The following NALF1 variants were observed in gnomAD, a reference collection of about 807,000 sequenced individuals.
NALF1 encodes the protein family with sequence similarity 155 member A.
NALF1 carries 3 observed loss-of-function variants against 48.4 expected under a neutral mutation model. The ratio of observed to expected loss-of-function variants is 0.06; its 90% CI spans 0.03 to 0.16. The LOEUF (loss-of-function observed/expected upper bound fraction) is 0.16, where lower values mean the gene tolerates loss of function less well. Ranked by LOEUF, NALF1 falls within the 10% of genes least tolerant of loss-of-function variation. The probability of loss-of-function intolerance (pLI) is 1.00; values close to 1 mark genes in which losing one functional copy is unlikely to be tolerated. For missense variants in NALF1, 526 were observed against 571.5 expected, an observed-to-expected ratio of 0.92 and a Z score of 0.81; for synonymous variants, 262 against 245.7, an observed-to-expected ratio of 1.07 and a Z score of -0.62.
chr13:107,195,485 G>A (rs9587311), intron 2 of NALF1, among the ~76,000 whole-genome samples: 5,053 of 152,122 alleles, frequency 0.033, 122 homozygotes, highest in African/African-American at 0.062. Context: ...TCTCTGTATC[G>A]CCTTTTCACG....
chr13:107,513,902 C>A (rs1167334435), intron 1 of NALF1, among the ~76,000 whole-genome samples: 7 of 152,216 alleles, frequency 4.6e-5, no homozygotes, highest in African/African-American at 1.7e-4. Flanking sequence ...AGGTATCCAT[C>A]CCTCCTCCTT....
At chr13:107,690,738 C>G (rs545072321) in intron 1 of NALF1, among the ~76,000 whole-genome samples, 1 of 152,166 alleles carries the variant, frequency 6.6e-6, no homozygotes, top group African/African-American at 2.4e-5. Context: ...ATGTCTTAAC[C>G]AAAGGATCGA....
chr13:107,840,303 C>T (rs1246518672), intron 1 of NALF1, among the ~76,000 whole-genome samples: 4 of 152,142 alleles, frequency 2.6e-5, no homozygotes, highest in Non-Finnish European at 5.9e-5. Context: ...CATATAACAA[C>T]AAAATCCCCA....
chr13:107,848,590 ATATGAG>A (rs1441802218), intron 1 of NALF1, among the ~76,000 whole-genome samples: 1 of 152,228 alleles, frequency 6.6e-6, no homozygotes, highest in East Asian at 1.9e-4. Context: ...ACAGTAACAC[ATATGAG>A]TATAATTCAA....
At chr13:107,370,153 C>T (rs1485905977) in intron 1 of NALF1, among the ~76,000 whole-genome samples, 1 of 152,044 alleles carries the variant, frequency 6.6e-6, no homozygotes, top group East Asian at 1.9e-4. Context: ...AATACCTCTA[C>T]TTTCATATTC....
intron 1 of NALF1, among the ~76,000 whole-genome samples, chr13:107,536,540 C>T (rs1378371765): frequency 2.0e-5 from 3 of 152,180 alleles, no homozygotes; most frequent in Non-Finnish European, 4.4e-5. Context: ...TACCATCTCA[C>T]ACCAGTTAGA....
At chr13:107,633,932 G>A (rs1279334147) in intron 1 of NALF1, among the ~76,000 whole-genome samples, 1 of 147,570 alleles carries the variant, frequency 6.8e-6, no homozygotes, top group South Asian at 2.1e-4. Context: ...ATTTATATAT[G>A]GATATATATA....
At chr13:107,556,710 TC>T (rs1877494690) in intron 1 of NALF1, among the ~76,000 whole-genome samples, 1 of 152,150 alleles carries the variant, frequency 6.6e-6, no homozygotes, top group African/African-American at 2.4e-5. Context: ...GGTTGCGAAC[TC>T]CTGACCTCAG....
chr13:107,737,375 T>A (rs1317453074), intron 1 of NALF1, among the ~76,000 whole-genome samples: 2 of 152,224 alleles, frequency 1.3e-5, no homozygotes, highest in Admixed American at 1.3e-4. Flanking sequence ...TCCAATGTGA[T>A]GTGGAATTCC....
At chr13:107,746,746 G>A (rs1175970906) in intron 1 of NALF1, among the ~76,000 whole-genome samples, 3 of 152,150 alleles carry the variant, frequency 2.0e-5, no homozygotes, top group Non-Finnish European at 4.4e-5. Context: ...ATAAATCAGT[G>A]CACATATTTC....
intron 1 of NALF1, among the ~76,000 whole-genome samples, chr13:107,570,788 C>A (rs1302880767): frequency 1.3e-5 from 2 of 151,678 alleles, no homozygotes; most frequent in East Asian, 3.9e-4. Context: ...TAGACACTTG[C>A]AGTAAAATCA....
At chr13:107,432,473 G>T (rs1166545316) in intron 1 of NALF1, among the ~76,000 whole-genome samples, 1 of 152,142 alleles carries the variant, frequency 6.6e-6, no homozygotes, top group African/African-American at 2.4e-5. Context: ...TGATGTTCAG[G>T]TTCTATCTAA....
At chr13:107,276,740 A>C (rs1228383709) in intron 1 of NALF1, among the ~76,000 whole-genome samples, 1 of 152,180 alleles carries the variant, frequency 6.6e-6, no homozygotes, top group Non-Finnish European at 1.5e-5. Flanking sequence ...GGGATTAATA[A>C]TCAAACTGTA....
intron 1 of NALF1, among the ~76,000 whole-genome samples, chr13:107,273,404 C>T (rs1358387288): frequency 1.3e-5 from 2 of 152,166 alleles, no homozygotes; most frequent in Non-Finnish European, 2.9e-5. Flanking sequence ...GATTTGCATG[C>T]TTTTTCTCTT....
chr13:107,218,245 C>T (rs1393840161), intron 1 of NALF1, among the ~76,000 whole-genome samples: 1 of 152,202 alleles, frequency 6.6e-6, no homozygotes, highest in Admixed American at 6.5e-5. Flanking sequence ...CCCTCTAGAC[C>T]CTGCAATGAG....
At chr13:107,255,274 G>GT (rs1880790756) in intron 1 of NALF1, among the ~76,000 whole-genome samples, 1 of 152,182 alleles carries the variant, frequency 6.6e-6, no homozygotes, top group South Asian at 2.1e-4. Context: ...TTGGCAGAAG[G>GT]TTTTTGTCTT....
At chr13:107,843,290 A>G (rs1880088814) in intron 1 of NALF1, among the ~76,000 whole-genome samples, 1 of 152,212 alleles carries the variant, frequency 6.6e-6, no homozygotes, top group Non-Finnish European at 1.5e-5. Context: ...GAGTATCAGA[A>G]AAGTTAAGGA....
At position 107,245,930 on chromosome 13, in the gene NALF1, C is replaced by G. The variant is rs542721839; in HGVS notation, c.916-35175G>C. On this transcript the variant is annotated intron_variant, in intron 1 of 2. Coordinates refer to ENST00000375915, the MANE Select transcript of NALF1 (RefSeq NM_001080396.3). The stretch of plus-strand genomic sequence containing the variant: ...GGTTCCTCCTGAATGAGCACCCCAC[C>G]CCTACCTCCAACTTAACACTCAGCA... Among the ~76,000 whole-genome samples, 7 of 152,004 alleles carry G rather than the reference C, an allele frequency of 4.6e-5. No individual in the cohort carries two copies. In the South Asian group the frequency reaches 8.3e-4, roughly 18 times the overall value.
At chr13:107,303,885 T>C (rs1881885616) in intron 1 of NALF1, among the ~76,000 whole-genome samples, 1 of 152,226 alleles carries the variant, frequency 6.6e-6, no homozygotes, top group Non-Finnish European at 1.5e-5. Flanking sequence ...TTAGTAACTA[T>C]GTCTGAAAGT....
Sources: gnomAD v4.1 joint callset for allele counts (sites outside exome capture counted in the v4.1 genomes callset) on GRCh38, gnomAD v4.1.1 for gene constraint, MANE v1.5 for transcripts, NCBI Gene and HGNC (gene_info 2026-07-23, HGNC 2026-07-21) for gene names.